The following DPP6 variants were observed in gnomAD, a reference collection of about 807,000 sequenced individuals.
DPP6 encodes A-type potassium channel modulatory protein DPP6.
DPP6 carries 69 observed loss-of-function variants against 122.6 expected under a neutral mutation model. The ratio of observed to expected loss-of-function variants is 0.56; its 90% CI spans 0.46 to 0.69. The LOEUF is 0.69. Ranked by LOEUF, DPP6 falls within the 30% of genes least tolerant of loss-of-function variation. The pLI, the probability that DPP6 is intolerant of heterozygous loss-of-function variation, is 0.00. For missense variants in DPP6, 928 were observed against 1,116.9 expected (o/e 0.83, Z 2.41); for synonymous variants, 418 against 433.1 (o/e 0.97, Z 0.43).
intron 21 of DPP6, chr7:154,885,405 C>A (rs988797065): frequency 5.5e-6 from 3 of 549,634 alleles, no homozygotes; most frequent in Admixed American, 3.3e-5. Context: ...CCCTTGACAC[C>A]AAGGCCCAGA....
intron 15 of DPP6, 48 bp from the exon 16 acceptor site, chr7:154,806,946 G>A (rs768029132): frequency 1.9e-6 from 3 of 1,600,680 alleles, no homozygotes; most frequent in Non-Finnish European, 2.6e-6. Context: ...AGCGTGGAGG[G>A]CAGCTCCTCT....
At chr7:154,036,072 G>A (rs1022875755) in intron 1 of DPP6, among the ~76,000 whole-genome samples, 19 of 151,822 alleles carry the variant, frequency 1.3e-4, no homozygotes, top group African/African-American at 4.1e-4. Context: ...AATATGATTA[G>A]TGTTTATTCT....
chr7:154,193,107 C>CT (rs906555600), intron 1 of DPP6, among the ~76,000 whole-genome samples: 1 of 152,250 alleles, frequency 6.6e-6, no homozygotes, highest in Non-Finnish European at 1.5e-5. Context: ...AACTATCTCT[C>CT]TCAGTTCCAG....
At chr7:154,522,265 C>T (rs944663515) in intron 3 of DPP6, among the ~76,000 whole-genome samples, 3 of 152,204 alleles carry the variant, frequency 2.0e-5, no homozygotes, top group East Asian at 1.9e-4. Context: ...TGAGCCACCA[C>T]GCCTGGCCTC....
chr7:154,121,592 T>C (rs1427214881), intron 1 of DPP6, among the ~76,000 whole-genome samples: 1 of 152,230 alleles, frequency 6.6e-6, no homozygotes, highest in Non-Finnish European at 1.5e-5. Context: ...CAGTTTTCCA[T>C]CTGTTACTGA....
chr7:154,484,471 C>A (rs975443282), intron 3 of DPP6, among the ~76,000 whole-genome samples: 1 of 152,206 alleles, frequency 6.6e-6, no homozygotes, highest in South Asian at 2.1e-4. Context: ...TTCAAGGGGT[C>A]CCCTCTCCTC....
intron 1 of DPP6, among the ~76,000 whole-genome samples, chr7:153,898,413 C>T (rs1206651552): frequency 4.6e-5 from 7 of 151,968 alleles, no homozygotes; most frequent in Non-Finnish European, 7.4e-5. Context: ...GATGGTGCCA[C>T]GGCACTCCAG....
chr7:154,251,067 G>T (rs1326150541), intron 1 of DPP6, among the ~76,000 whole-genome samples: 1 of 152,228 alleles, frequency 6.6e-6, no homozygotes, highest in Non-Finnish European at 1.5e-5. Context: ...AAAGTATTTT[G>T]CAGAGCAAAT....
intron 5 of DPP6, among the ~76,000 whole-genome samples, chr7:154,598,700 A>C (rs960076306): frequency 6.6e-6 from 1 of 152,232 alleles, no homozygotes; most frequent in African/African-American, 2.4e-5. Flanking sequence ...CTCCTTGTTT[A>C]TGTTCTGGAA....
At chr7:154,756,486 C>G (rs991598454) in intron 8 of DPP6, among the ~76,000 whole-genome samples, 1 of 152,216 alleles carries the variant, frequency 6.6e-6, no homozygotes, top group Non-Finnish European at 1.5e-5. Flanking sequence ...ATGAGGGCAG[C>G]CTGCTTCTAT....
intron 1 of DPP6, among the ~76,000 whole-genome samples, chr7:154,231,067 C>A (rs901712700): frequency 6.6e-6 from 1 of 152,146 alleles, no homozygotes; most frequent in Non-Finnish European, 1.5e-5. Context: ...GTGACTGATT[C>A]TTCTTGCATA....
chr7:154,521,347 C>T (rs550884365), intron 3 of DPP6, among the ~76,000 whole-genome samples: 4 of 151,580 alleles, frequency 2.6e-5, no homozygotes, highest in African/African-American at 7.2e-5. Flanking sequence ...AAAAACAAAT[C>T]CTAATTCTAC....
At chr7:154,180,656 C>T (rs920854419) in intron 1 of DPP6, among the ~76,000 whole-genome samples, 12 of 151,210 alleles carry the variant, frequency 7.9e-5, no homozygotes, top group East Asian at 3.9e-4. Flanking sequence ...CGTTTTTTTA[C>T]TAATGTGGGC....
chr7:154,446,313 A>C lies in DPP6; in HGVS notation c.343A>C (p.Ile115Leu), dbSNP rs1329278653. The change falls in exon 2 of 26, where the codon ATA (isoleucine) becomes CTA (leucine). Residue 115 changes from isoleucine (I) to leucine (L), a missense_variant. Coordinates refer to ENST00000377770, the MANE Select transcript of DPP6 (RefSeq NM_130797.4). ...VICSLIVTSV[I>L]LLTPAEDNSL... is the part of the protein sequence containing the mutation. ...CTGCTCCTTGATCGTCACCTCGGTC[A>C]TACTTCTGACACCAGGTACTGTATT... 1 of 1,612,254 alleles carries C rather than the reference A, an allele frequency of 6.2e-7. No individual in the cohort carries two copies. Among genetic ancestry groups the C allele is most frequent in the Non-Finnish European group, 8.5e-7 (1 of 1,178,856 alleles).
chr7:154,364,051 G>A (rs1364470304), intron 1 of DPP6, among the ~76,000 whole-genome samples: 3 of 152,116 alleles, frequency 2.0e-5, no homozygotes, highest in African/African-American at 7.2e-5. Flanking sequence ...GTGGTCTCTT[G>A]TGCTTCCGTG....
intron 1 of DPP6, among the ~76,000 whole-genome samples, chr7:154,362,878 A>G (rs1034541985): frequency 2.0e-5 from 3 of 152,188 alleles, no homozygotes; most frequent in Non-Finnish European, 4.4e-5. Context: ...CTACATCAGC[A>G]TCAACTGGAG....
intron 3 of DPP6, among the ~76,000 whole-genome samples, chr7:154,516,098 A>G (rs1826476399): frequency 6.6e-6 from 1 of 152,100 alleles, no homozygotes; most frequent in Admixed American, 6.5e-5. Context: ...TAGTCCAGTG[A>G]ACTTGACAGA....
At chr7:154,174,899 T>G (rs1275393114) in intron 1 of DPP6, among the ~76,000 whole-genome samples, 2 of 149,260 alleles carry the variant, frequency 1.3e-5, no homozygotes, top group East Asian at 3.9e-4. Flanking sequence ...TGTTTTGAGA[T>G]GGAGTCTCAC....
At chr7:154,724,094 G>A (rs149551162) in intron 7 of DPP6, among the ~76,000 whole-genome samples, 1 of 152,260 alleles carries the variant, frequency 6.6e-6, no homozygotes, top group African/African-American at 2.4e-5. Flanking sequence ...TCTTTAAAAT[G>A]CTGATGCCTG....
Sources: allele counts gnomAD v4.1 joint callset (sites outside exome capture counted in the v4.1 genomes callset), GRCh38; gene constraint gnomAD v4.1.1; transcripts MANE v1.5; gene names NCBI Gene and HGNC (gene_info 2026-07-23, HGNC 2026-07-21).